MPHOSPH9: variants seen among roughly 807,000 people sequenced by gnomAD.
The protein encoded by MPHOSPH9 is M-phase phosphoprotein 9.
Under a neutral mutation model 145.5 loss-of-function variants are expected in MPHOSPH9, and 88 were observed. That is an observed-to-expected ratio of 0.60 (90% confidence interval 0.51 to 0.72). The LOEUF (loss-of-function observed/expected upper bound fraction) is 0.72, where lower values mean the gene tolerates loss of function less well. Ranked by LOEUF, MPHOSPH9 falls within the 30% of genes least tolerant of loss-of-function variation. The pLI is 0.00. For missense variants in MPHOSPH9, 1,238 were observed against 1,386.6 expected, an observed-to-expected ratio of 0.89 and a Z score of 1.70; for synonymous variants, 435 against 486.2, an observed-to-expected ratio of 0.89 and a Z score of 1.39.
chr12:123,185,702 G>A (rs1417407861), intron 13 of MPHOSPH9, among the ~76,000 whole-genome samples: 1 of 152,094 alleles, frequency 6.6e-6, no homozygotes, highest in East Asian at 1.9e-4. Context: ...CTATGAATAT[G>A]CCTACTGTAC....
chr12:123,214,178 C>A (rs1010337944), intron 7 of MPHOSPH9, among the ~76,000 whole-genome samples: 1 of 152,166 alleles, frequency 6.6e-6, no homozygotes, highest in Non-Finnish European at 1.5e-5. Flanking sequence ...ATTTTTACAG[C>A]TGTTCAAAAC....
At chr12:123,182,011 G>A (rs560874767) in intron 13 of MPHOSPH9, among the ~76,000 whole-genome samples, 1 of 151,874 alleles carries the variant, frequency 6.6e-6, no homozygotes, top group Admixed American at 6.6e-5. Flanking sequence ...GAGTACAGTG[G>A]CTCACTGCAA....
intron 11 of MPHOSPH9, among the ~76,000 whole-genome samples, chr12:123,199,173 G>A (rs1207469851): frequency 1.3e-5 from 2 of 152,016 alleles, no homozygotes; most frequent in Admixed American, 6.6e-5. Flanking sequence ...TTTTTGTAGA[G>A]ATGGGATCTC....
chr12:123,216,767 G>T (rs1410505342), intron 6 of MPHOSPH9, among the ~76,000 whole-genome samples: 1 of 152,058 alleles, frequency 6.6e-6, no homozygotes, highest in Non-Finnish European at 1.5e-5. Context: ...GGAGGCTGAG[G>T]TGGTTGGATC....
chr12:123,235,773 G>C (rs776323416), upstream of MPHOSPH9, among the ~76,000 whole-genome samples: 12 of 151,810 alleles, frequency 7.9e-5, no homozygotes, highest in Non-Finnish European at 1.3e-4. Flanking sequence ...TTTTTAAAAA[G>C]AGAAAGTTGG....
chr12:123,221,894 T>A lies in MPHOSPH9; in HGVS notation c.350A>T (p.His117Leu), dbSNP rs1442357237. The change falls in exon 5 of 24, where the codon CAT becomes CTT. Residue 117 changes from histidine (H) to leucine (L), a missense_variant and splice_region_variant. By Grantham distance (99) the His-to-Leu change is moderately conservative. Around this residue, in one of 3 missense-constraint regions of MPHOSPH9, gnomAD observed 837 missense variants for 897.5 expected, o/e 0.93. Transcript: ENST00000606320. Reference sequence around the variant, plus strand: ...TAAATTTTTTATCTCCTCCTGTATATGCTGGAAATAAAAAGTTATAGATTT... The same window carrying A: ...TAAATTTTTTATCTCCTCCTGTATAAGCTGGAAATAAAAAGTTATAGATTT... ...QQEQFHNQIQ[H>L]IQEEIKNLVK... 9.3e-6 allele frequency: 14 copies of A among 1,505,266 alleles called. No homozygotes were observed. The Admixed American group carries it at 3.0e-4, about 32-fold the overall frequency. The allele number at this position is 1,505,266 out of a possible 1,614,324, so 93.2% of individuals were successfully genotyped here. A position where few individuals can be genotyped will look rare whatever the true frequency, so the allele number is the denominator to read the frequency against.
intron 4 of MPHOSPH9, 32 bp downstream of exon 4, chr12:123,223,006 A>T (rs78346433): frequency 3.1e-5 from 3 of 97,302 alleles, no homozygotes; most frequent in Non-Finnish European, 6.9e-5. Context: ...ATATGTATAT[A>T]AAAAAAGGAA....
intron 21 of MPHOSPH9, 58 bp from the exon 22 acceptor site, chr12:123,161,441 T>G: frequency 6.3e-7 from 1 of 1,576,510 alleles, no homozygotes; most frequent in Non-Finnish European, 8.7e-7. Context: ...GTAGGTTGCA[T>G]ATATATTAAA....
chr12:123,229,940 G>A (rs2138684337), intron 2 of MPHOSPH9: 1 of 154,988 alleles, frequency 6.5e-6, no homozygotes, highest in Admixed American at 6.6e-5. Flanking sequence ...TCCTGCCTCA[G>A]CCTCCTGAGT....
rs755418269 is a variant in MPHOSPH9 at position 123,166,689 on chromosome 12, C to T, written c.2557G>A (p.Val853Met). 16 of 1,613,768 alleles carry T rather than the reference C, an allele frequency of 9.9e-6. No individual in the cohort carries two copies. Among genetic ancestry groups the T allele is most frequent in the African/African-American group, 1.3e-5 (1 of 74,902 alleles). Residue 853 changes from valine (V) to methionine (M), a missense_variant, in exon 17 of 24, where the codon GTG (valine) becomes ATG (methionine). Physicochemically the swap from Val to Met is conservative, Grantham distance 21. This residue lies in a region of MPHOSPH9 where 393 missense variants were observed against 462.5 expected (regional missense o/e 0.85). Transcript: ENST00000606320. Reference protein sequence around the residue: ...GQPLDTQDSNVDNQLEETCSL... With the variant: ...GQPLDTQDSNMDNQLEETCSL... ...CAGGTTTCCTCCAGCTGGTTATCCACGTTACTGTCCTGGGTGTCCAGAGGC... is the reference window on the plus strand; with the variant it reads ...CAGGTTTCCTCCAGCTGGTTATCCATGTTACTGTCCTGGGTGTCCAGAGGC...
intron 13 of MPHOSPH9, among the ~76,000 whole-genome samples, chr12:123,193,804 T>C (rs1036857483): frequency 2.0e-5 from 3 of 148,738 alleles, no homozygotes; most frequent in African/African-American, 7.3e-5. Flanking sequence ...AGCTTGAAAG[T>C]TGACCTGATG....
chr12:123,214,704 G>T, intron 7 of MPHOSPH9, 40 bp downstream of exon 7: 3 of 1,466,274 alleles, frequency 2.0e-6, no homozygotes, highest in Non-Finnish European at 2.8e-6. Context: ...CTGAGTGTAT[G>T]TAGTTTAGGT....
chr12:123,218,342 C>T (rs1356939624), intron 6 of MPHOSPH9, 34 bp downstream of exon 6: 3 of 1,612,798 alleles, frequency 1.9e-6, no homozygotes, highest in Admixed American at 3.3e-5. Context: ...ATCATCAGTA[C>T]TGGAGCCCGC....
chr12:123,202,072 A>G, intron 11 of MPHOSPH9, 92 bp downstream of exon 11: 1 of 1,294,794 alleles, frequency 7.7e-7, no homozygotes, highest in Admixed American at 2.7e-5. Flanking sequence ...TTCAGATCCA[A>G]AGTATTTTCA....
chr12:123,236,318 A>T (rs1048761403), upstream of MPHOSPH9, among the ~76,000 whole-genome samples: 62 of 151,818 alleles, frequency 4.1e-4, no homozygotes, highest in Non-Finnish European at 7.4e-4. Flanking sequence ...TTGCAGCTGC[A>T]CGTGGTGGCT....
chr12:123,202,044 A>C lies in MPHOSPH9; in HGVS notation c.1937+120T>G, dbSNP rs190682576. 192 of 1,104,984 alleles carry C rather than the reference A, an allele frequency of 1.7e-4. 2 individuals are homozygous for C. In the East Asian group the frequency reaches 3.9e-3, roughly 23 times the overall value. The allele number at this position is 1,104,984 out of a possible 1,614,324, so 68.4% of individuals were successfully genotyped here. A position where few individuals can be genotyped will look rare whatever the true frequency, so the allele number is the denominator to read the frequency against. The stretch of plus-strand genomic sequence containing the variant: ...GGTTTAGCTTCAAAAATACTTAGGC[A>C]AACATGACTGTTAAAATTTCAGATC... On this transcript the variant is annotated intron_variant, in intron 11 of 23. Coordinates refer to ENST00000606320, the MANE Select transcript of MPHOSPH9 (RefSeq NM_022782.4).
intron 13 of MPHOSPH9, among the ~76,000 whole-genome samples, chr12:123,181,904 A>C (rs559192871): frequency 2.9e-4 from 44 of 152,190 alleles, no homozygotes; most frequent in African/African-American, 9.9e-4. Flanking sequence ...TATCAATACC[A>C]TGTAAGTATT....
At chr12:123,233,409 TA>T (rs1370167078), upstream of MPHOSPH9, 5 of 152,200 alleles carry the variant, frequency 3.3e-5, no homozygotes, top group African/African-American at 1.2e-4. Flanking sequence ...CTCTGGTAGA[TA>T]AGAGAAACCG....
intron 8 of MPHOSPH9, among the ~76,000 whole-genome samples, chr12:123,207,465 T>G (rs1374525937): frequency 2.0e-5 from 3 of 152,232 alleles, no homozygotes; most frequent in Admixed American, 6.6e-5. Flanking sequence ...TTGCCCCATC[T>G]GTCTGTCTGT....
Sources: gnomAD v4.1 joint callset for allele counts (sites outside exome capture counted in the v4.1 genomes callset) on GRCh38, gnomAD v4.1.1 for gene constraint, gnomAD v4.1.1 regional missense constraint, MANE v1.5 for transcripts, NCBI Gene and HGNC (gene_info 2026-07-23, HGNC 2026-07-21) for gene names.